The following WAC variants were observed in gnomAD, a reference collection of about 807,000 sequenced individuals.
The protein encoded by WAC is WW domain-containing adapter protein with coiled-coil.
Under a neutral mutation model 79.6 loss-of-function variants are expected in WAC, and 11 were observed. That is an observed-to-expected ratio of 0.14 (90% CI 0.09 to 0.23). The LOEUF (loss-of-function observed/expected upper bound fraction) is 0.23. Ranked by LOEUF, WAC falls within the 10% of genes least tolerant of loss-of-function variation. The pLI, the probability that WAC is intolerant of heterozygous loss-of-function variation, is 1.00. For synonymous variants in WAC, 304 were observed against 276.9 expected (o/e 1.10, Z -0.97); for missense variants, 728 against 773.5 (o/e 0.94, Z 0.70).
chr10:28,603,630 A>C (rs1350499861), intron 7 of WAC, among the ~76,000 whole-genome samples: 2 of 152,016 alleles, frequency 1.3e-5, no homozygotes, highest in African/African-American at 4.8e-5. Context: ...TGAAGTTGTT[A>C]ATTAAAATTA....
intron 3 of WAC, among the ~76,000 whole-genome samples, chr10:28,567,013 A>G (rs1838663797): frequency 6.7e-6 from 1 of 149,954 alleles, no homozygotes; most frequent in Non-Finnish European, 1.5e-5. Context: ...CATATTGGGC[A>G]TCTTATCTCT....
rs1459015833 is a variant in WAC at position 28,611,789 on chromosome 10, A to G, written c.1304A>G (p.Gln435Arg). 1 of 1,612,258 alleles carries G rather than the reference A, an allele frequency of 6.2e-7. No individual in the cohort carries two copies. The highest frequency in any genetic ancestry group is 8.5e-7 in the Non-Finnish European group (1 of 1,179,634). Residue 435 changes from glutamine (Q) to arginine (R), a missense_variant, in exon 10 of 14, where the codon CAG (glutamine) becomes CGG (arginine). Coordinates refer to ENST00000354911, the MANE Select transcript of WAC (RefSeq NM_016628.5). ...QLSTQAQPSN[Q>R]SPMSLTSDAS... ...TCTTTTACAGCCCAGCCATCTAATC[A>G]GTCTCCGATGTCTTTAACATCTGAT...
intron 3 of WAC, among the ~76,000 whole-genome samples, chr10:28,562,068 CTTTT>C (rs1410348385): frequency 6.6e-6 from 1 of 152,020 alleles, no homozygotes; most frequent in Non-Finnish European, 1.5e-5. Context: ...AATAGATTTT[CTTTT>C]TGAGATGGAG....
chr10:28,613,445 A>AGT (rs1405854092), intron 10 of WAC, among the ~76,000 whole-genome samples: 2 of 152,086 alleles, frequency 1.3e-5, no homozygotes, highest in African/African-American at 4.8e-5. Context: ...TCAAGGTTGG[A>AGT]GTGAGCCAAG....
chr10:28,611,380 A>G (rs1443823428), intron 9 of WAC: 2 of 1,298,834 alleles, frequency 1.5e-6, no homozygotes, highest in South Asian at 1.2e-5. Flanking sequence ...TGGAAGTATA[A>G]TGGTGCAAAG....
At chr10:28,571,226 G>C (rs1049199758) in intron 3 of WAC, among the ~76,000 whole-genome samples, 1 of 151,956 alleles carries the variant, frequency 6.6e-6, no homozygotes, top group South Asian at 2.1e-4. Flanking sequence ...CACCATGCCT[G>C]GCCCTTAAAT....
chr10:28,595,886 A>C lies in WAC; in HGVS notation c.764A>C (p.His255Pro). ...CAGCACCCCATCAAACCAGTGGTTC[A>C]TCCAACTGCTACCCCAAGCACTGTT... ...PVQHPIKPVV[H>P]PTATPSTVPS... is the part of the protein sequence containing the mutation. The change falls in exon 7 of 14, where the codon CAT becomes CCT. Residue 255 changes from histidine (H) to proline (P), a missense_variant. By Grantham distance (77) the His-to-Pro change is moderately conservative. This residue lies in a region of WAC where 648 missense variants were observed against 661.5 expected (regional missense o/e 0.98). Coordinates refer to ENST00000354911, the MANE Select transcript of WAC (RefSeq NM_016628.5). The C allele has an allele frequency of 6.2e-7, 1 of 1,614,166 alleles. No homozygotes were observed. The highest frequency in any genetic ancestry group is 8.5e-7 in the Non-Finnish European group (1 of 1,180,002).
intron 3 of WAC, 118 bp from the exon 4 acceptor site, chr10:28,583,281 G>A (rs999721639): frequency 3.0e-5 from 21 of 694,026 alleles, no homozygotes; most frequent in African/African-American, 7.5e-5. Flanking sequence ...TATTCCTAAT[G>A]CTTATGTAAG....
intron 11 of WAC, chr10:28,615,258 GTTT>G (rs774004509): frequency 2.0e-5 from 3 of 152,102 alleles, no homozygotes; most frequent in Non-Finnish European, 2.9e-5. Context: ...TGATTTTCCT[GTTT>G]TTTATTTCAT....
At chr10:28,575,966 A>G (rs1839224724) in intron 3 of WAC, among the ~76,000 whole-genome samples, 2 of 152,234 alleles carry the variant, frequency 1.3e-5, no homozygotes, top group South Asian at 2.1e-4. Context: ...ACATTGTATT[A>G]TAGTTGCCTA....
At chr10:28,560,342 C>CA (rs1214129305) in intron 3 of WAC, among the ~76,000 whole-genome samples, 11 of 152,208 alleles carry the variant, frequency 7.2e-5, no homozygotes, top group African/African-American at 2.6e-4. Flanking sequence ...GCCTGGGCAA[C>CA]AAAGCGAGAT....
At chr10:28,589,879 T>C in intron 5 of WAC, 28 bp downstream of exon 5, 1 of 1,498,860 alleles carries the variant, frequency 6.7e-7, no homozygotes, top group East Asian at 2.3e-5. Context: ...TAATTAAACA[T>C]TATTTCTCTA....
chr10:28,571,778 G>T (rs978760677), intron 3 of WAC, among the ~76,000 whole-genome samples: 1 of 152,152 alleles, frequency 6.6e-6, no homozygotes, highest in African/African-American at 2.4e-5. Context: ...ACACCTATGT[G>T]TATGCAGGTA....
intron 1 of WAC, 143 bp downstream of exon 1, chr10:28,533,763 C>A: frequency 2.3e-6 from 1 of 429,086 alleles, no homozygotes; most frequent in Non-Finnish European, 3.9e-6. Flanking sequence ...AGCGGCCGCG[C>A]GGGCGGGCGG....
chr10:28,544,801 C>T (rs1429552942), intron 3 of WAC, among the ~76,000 whole-genome samples: 14 of 152,108 alleles, frequency 9.2e-5, no homozygotes, highest in African/African-American at 3.1e-4. Context: ...CGGTGGCTCA[C>T]GCCTGTAATG....
intron 3 of WAC, among the ~76,000 whole-genome samples, chr10:28,544,924 G>A (rs754133144): frequency 1.3e-5 from 2 of 151,874 alleles, no homozygotes. Context: ...ATTAGCTGGG[G>A]CGTGGTGGTG....
intron 7 of WAC, among the ~76,000 whole-genome samples, chr10:28,602,172 A>G (rs1369422181): frequency 6.6e-6 from 1 of 152,192 alleles, no homozygotes; most frequent in Non-Finnish European, 1.5e-5. Context: ...TGGGAAGCAC[A>G]GTATGTGGGA....
chr10:28,619,453 T>TA (rs1339626800), intron 13 of WAC, 84 bp from the exon 14 acceptor site: 3 of 1,030,054 alleles, frequency 2.9e-6, no homozygotes, highest in African/African-American at 1.7e-5. Context: ...TGTTTTAATT[T>TA]AAAAAATTTT....
chr10:28,613,371 C>T (rs1281478401), intron 10 of WAC, among the ~76,000 whole-genome samples: 1 of 152,036 alleles, frequency 6.6e-6, no homozygotes, highest in Non-Finnish European at 1.5e-5. Flanking sequence ...GAAAAACTTT[C>T]TTGGGCATGG....
Sources: allele counts gnomAD v4.1 joint callset (sites outside exome capture counted in the v4.1 genomes callset), GRCh38; gene constraint gnomAD v4.1.1; regional missense constraint gnomAD v4.1.1; transcripts MANE v1.5; gene names NCBI Gene and HGNC (gene_info 2026-07-23, HGNC 2026-07-21).